Variants in DYNC2I2 observed in about 807,000 individuals in gnomAD.
DYNC2I2 encodes the protein cytoplasmic dynein 2 intermediate chain 2.
Under a neutral mutation model 52.0 loss-of-function variants are expected in DYNC2I2, and 39 were observed. That is an observed-to-expected ratio of 0.75 (90% confidence interval 0.58 to 0.98). The LOEUF (loss-of-function observed/expected upper bound fraction) is 0.98, where lower values mean the gene tolerates loss of function less well. Among genes scored for constraint, DYNC2I2 ranks in the 50% least tolerant of loss-of-function variants. The pLI is 0.00. For missense variants in DYNC2I2, 743 were observed against 728.4 expected (o/e 1.02, Z -0.23); for synonymous variants, 359 against 321.1 (o/e 1.12, Z -1.26).
the DYNC2I2 span, among the ~76,000 whole-genome samples, chr9:128,682,627 T>C: frequency 6.6e-6 from 1 of 150,988 alleles, no homozygotes; most frequent in Non-Finnish European, 1.5e-5. Flanking sequence ...CCGTGAGCCA[T>C]GATCACTAAT....
chr9:128,656,564 C>T lies in DYNC2I2; in HGVS notation c.163G>A (p.Val55Ile), dbSNP rs1193168440. The T allele has an allele frequency of 6.8e-7, 1 of 1,464,288 alleles. No homozygotes were observed. The highest frequency in any genetic ancestry group is 9.0e-7 in the Non-Finnish European group (1 of 1,115,132). 90.7% of individuals were successfully genotyped at this position (1,464,288 alleles called of 1,614,324 possible). ...ACCGTCTCCCAGCGGATGCCCTGGA[C>T]GGCCCTCCACTGCGAGGGCACGGAC... ...VASVPSQWRA[V>I]QGIRWETKSC... Residue 55 changes from valine to isoleucine, a missense_variant, in exon 1 of 9, where the codon GTC becomes ATC. Physicochemically the swap from Val to Ile is conservative, Grantham distance 29 (BLOSUM62 3). Transcript: ENST00000372715.
At chr9:128,670,145 A>G in the DYNC2I2 span, among the ~76,000 whole-genome samples, 117 of 149,542 alleles carry the variant, frequency 7.8e-4, no homozygotes, top group Non-Finnish European at 1.4e-3. Flanking sequence ...GTCTCAAAGG[A>G]AAAAAAAAAG....
the DYNC2I2 span, among the ~76,000 whole-genome samples, chr9:128,667,290 G>A: frequency 1.3e-5 from 2 of 152,096 alleles, no homozygotes; most frequent in Non-Finnish European, 2.9e-5. Flanking sequence ...AGCCCTAGGA[G>A]GCTGAGGTTG....
At chr9:128,675,006 G>T in the DYNC2I2 span, among the ~76,000 whole-genome samples, 1 of 152,082 alleles carries the variant, frequency 6.6e-6, no homozygotes, top group African/African-American at 2.4e-5. Flanking sequence ...TCTCCCGGGG[G>T]TCTCAGAGAC....
At position 128,635,666 on chromosome 9, in the gene DYNC2I2, C is replaced by T. The variant is rs368559454; in HGVS notation, c.805G>A (p.Val269Met). 7.5e-6 allele frequency: 12 copies of T among 1,607,032 alleles called. No individual in the cohort carries two copies. Among genetic ancestry groups the T allele is most frequent in the African/African-American group, 1.3e-5 (1 of 74,778 alleles). ...GLTDDTHTDP[V>M]SQVVWLPEPG... The stretch of plus-strand genomic sequence containing the variant: ...GCAGCCCCTGCCCTGACCTGGGACA[C>T]AGGGTCTGTGTGGGTGTCATCCGTC... The change falls in exon 5 of 9, where the codon GTG (valine) becomes ATG (methionine). Residue 269 changes from valine (V) to methionine (M), a missense_variant. Physicochemically the swap from Val to Met is conservative, Grantham distance 21. Coordinates refer to ENST00000372715, the MANE Select transcript of DYNC2I2 (RefSeq NM_052844.4).
chr9:128,649,123 T>C (rs1860676288), intron 1 of DYNC2I2, among the ~76,000 whole-genome samples: 2 of 152,154 alleles, frequency 1.3e-5, no homozygotes, highest in Admixed American at 1.3e-4. Context: ...GAATTATACT[T>C]GATGCCTCTG....
chr9:128,634,565 A>G (rs1860328593), intron 7 of DYNC2I2, 124 bp downstream of exon 7: 1 of 1,286,930 alleles, frequency 7.8e-7, no homozygotes, highest in East Asian at 2.5e-5. Flanking sequence ...AAAGACCTGA[A>G]CACGGGTCTC....
intron 1 of DYNC2I2, among the ~76,000 whole-genome samples, chr9:128,644,972 G>A (rs1331413975): frequency 6.6e-6 from 1 of 152,180 alleles, no homozygotes; most frequent in Non-Finnish European, 1.5e-5. Context: ...TGTTGCGTGT[G>A]ATTTGACGGC....
At chr9:128,670,465 C>T in the DYNC2I2 span, among the ~76,000 whole-genome samples, 1 of 151,000 alleles carries the variant, frequency 6.6e-6, no homozygotes, top group African/African-American at 2.4e-5. Context: ...AGGCCAAACA[C>T]AGTGGCTTAC....
At chr9:128,648,995 A>G (rs1860674014) in intron 1 of DYNC2I2, among the ~76,000 whole-genome samples, 1 of 152,106 alleles carries the variant, frequency 6.6e-6, no homozygotes, top group African/African-American at 2.4e-5. Flanking sequence ...GGACATGGAA[A>G]ACTACAGGAG....
rs1860756153 is a variant in DYNC2I2, at chr9:128,653,389, C to T, written c.186+3152G>A. 1.3e-5 allele frequency among the ~76,000 whole-genome samples: 2 copies of T among 150,320 alleles called. 1 individual carries two copies. The highest frequency in any genetic ancestry group is 4.2e-4 in the South Asian group (2 of 4,812). On this transcript the variant is annotated intron_variant, in intron 1 of 8. Transcript: ENST00000372715. ...GGTCGGGAGTTCAAAACCAACCTGG[C>T]CAATATGGCGAAACCCCGTCACTAC... is the stretch of plus-strand genomic sequence containing the variant.
intron 1 of DYNC2I2, among the ~76,000 whole-genome samples, chr9:128,654,620 C>CA (rs1312991259): frequency 6.6e-6 from 1 of 152,096 alleles, no homozygotes; most frequent in Non-Finnish European, 1.5e-5. Flanking sequence ...CACAGTGGTG[C>CA]AATCATAGCT....
chr9:128,635,011 G>T, intron 6 of DYNC2I2, 81 bp downstream of exon 6: 1 of 1,583,754 alleles, frequency 6.3e-7, no homozygotes, highest in Non-Finnish European at 8.6e-7. Flanking sequence ...GGAGATCACA[G>T]CAAGTCAGGC....
the DYNC2I2 span, among the ~76,000 whole-genome samples, chr9:128,662,797 C>T: frequency 3.9e-5 from 6 of 152,236 alleles, no homozygotes; most frequent in East Asian, 5.8e-4. Flanking sequence ...CTCCTGACCT[C>T]GGGTGATCCA....
At chr9:128,653,205 G>C (rs768766272) in intron 1 of DYNC2I2, among the ~76,000 whole-genome samples, 2 of 150,986 alleles carry the variant, frequency 1.3e-5, no homozygotes, top group Non-Finnish European at 2.9e-5. Context: ...CTTCAGCCTG[G>C]GCAACAAAGC....
intron 2 of DYNC2I2, among the ~76,000 whole-genome samples, chr9:128,639,333 G>T (rs1177855797): frequency 6.6e-6 from 1 of 152,020 alleles, no homozygotes; most frequent in Admixed American, 6.6e-5. Flanking sequence ...GGGAGGCAGA[G>T]GTTGCAGTGA....
the DYNC2I2 span, chr9:128,683,915 C>G: frequency 1.9e-6 from 3 of 1,553,094 alleles, no homozygotes; most frequent in Non-Finnish European, 2.6e-6. Flanking sequence ...AAACGCCAGT[C>G]TCCACTCCCG....
At chr9:128,654,975 C>T (rs895824603) in intron 1 of DYNC2I2, among the ~76,000 whole-genome samples, 2 of 151,994 alleles carry the variant, frequency 1.3e-5, no homozygotes, top group Admixed American at 6.6e-5. Flanking sequence ...GCCACTGCCC[C>T]ATGTAAGCTC....
rs879908019 is a variant in DYNC2I2 at position 128,640,778 on chromosome 9, C to A, written c.348G>T (p.Glu116Asp). 34 of 1,614,078 alleles carry A rather than the reference C, an allele frequency of 2.1e-5. No homozygotes were observed. Among genetic ancestry groups the A allele is most frequent in the Non-Finnish European group, 2.6e-5 (31 of 1,180,048 alleles). Reference sequence around the variant, plus strand: ...TGTTCAGCTCTCGGATGACCATGGCCTCCACTCTCCGAAGAAAGGCTGCGA... The same window carrying A: ...TGTTCAGCTCTCGGATGACCATGGCATCCACTCTCCGAAGAAAGGCTGCGA... The part of the protein sequence containing the change: ...PRLAAFLRRV[E>D]AMVIRELNKN... The change falls in exon 2 of 9, where the codon GAG becomes GAT. Residue 116 changes from glutamate to aspartate, a missense_variant. Glu to Asp is a conservative substitution (Grantham distance 45). Coordinates refer to ENST00000372715, the MANE Select transcript of DYNC2I2 (RefSeq NM_052844.4).
Sources: gnomAD v4.1 joint callset for allele counts (sites outside exome capture counted in the v4.1 genomes callset) on GRCh38, gnomAD v4.1.1 for gene constraint, MANE v1.5 for transcripts, NCBI Gene and HGNC (gene_info 2026-07-23, HGNC 2026-07-21) for gene names.